NCAM2: variants seen among roughly 807,000 people sequenced by gnomAD.
The protein encoded by NCAM2 is N-CAM-2.
NCAM2 carries 30 observed loss-of-function variants against 98.1 expected under a neutral mutation model. The observed-to-expected ratio is 0.31, with a 90% CI of 0.23 to 0.41. NCAM2 has a LOEUF of 0.41. NCAM2 is among the 10% of genes least tolerant of loss of function. NCAM2 has a pLI of 1.00. For synonymous variants in NCAM2, 368 were observed against 342.4 expected (o/e 1.07, Z -0.83); for missense variants, 867 against 1,005.8 (o/e 0.86, Z 1.87).
At chr21:21,491,120 A>G (rs565918582) in intron 15 of NCAM2, among the ~76,000 whole-genome samples, 1 of 151,918 alleles carries the variant, frequency 6.6e-6, no homozygotes, top group South Asian at 2.1e-4. Context: ...AAGTTACTCA[A>G]TTTTTGGATA....
chr21:21,079,445 T>C (rs2146396751), intron 1 of NCAM2, among the ~76,000 whole-genome samples: 1 of 152,288 alleles, frequency 6.6e-6, no homozygotes, highest in African/African-American at 2.4e-5. Context: ...AAAATAAGAC[T>C]TCATGAAAAT....
At position 21,244,844 on chromosome 21, in the gene NCAM2, T is replaced by TAAAA. The variant is rs11410837; in HGVS notation, c.56-35717_56-35714dup. Among the ~76,000 whole-genome samples, 446 of 99,910 alleles carry TAAAA rather than the reference T, an allele frequency of 4.5e-3. 17 individuals are homozygous for TAAAA. The Admixed American group carries it at 0.046, about 10-fold the overall frequency. 65.5% of individuals were successfully genotyped at this position (99,910 alleles called of 152,430 possible). A position where few individuals can be genotyped will look rare whatever the true frequency, so the allele number is the denominator to read the frequency against. Reference sequence around the variant, plus strand: ...CCTGGGGACAGAGTGAGACTCTGTCTAAAAAAAAAAAAAAAAAAAAGGACA... The same window carrying TAAAA: ...CCTGGGGACAGAGTGAGACTCTGTCTAAAAAAAAAAAAAAAAAAAAAAAAGGACA... On this transcript the variant is annotated intron_variant, in intron 1 of 17. Coordinates refer to ENST00000400546, the MANE Select transcript of NCAM2 (RefSeq NM_004540.5).
chr21:21,323,392 G>A (rs1384300539), intron 5 of NCAM2, among the ~76,000 whole-genome samples: 2 of 152,098 alleles, frequency 1.3e-5, no homozygotes, highest in Non-Finnish European at 2.9e-5. Context: ...ACCATCAATG[G>A]AGGTAATGTG....
intron 1 of NCAM2, among the ~76,000 whole-genome samples, chr21:21,044,168 A>G (rs188008310): frequency 6.6e-6 from 1 of 152,330 alleles, no homozygotes; most frequent in East Asian, 1.9e-4. Flanking sequence ...TGTATTTCAT[A>G]GCTTTGAAGA....
rs181571353 is a variant in NCAM2 at position 21,146,410 on chromosome 21, C to T, written c.56-134168C>T. On this transcript the variant is annotated intron_variant, in intron 1 of 17. Transcript: ENST00000400546. ...TATGTTTAGGTCTTCTACAGTGATACTTAAATAATCTATAGGGACTGAAAT... is the reference window on the plus strand; with the variant it reads ...TATGTTTAGGTCTTCTACAGTGATATTTAAATAATCTATAGGGACTGAAAT... 1.3e-3 allele frequency among the ~76,000 whole-genome samples: 195 copies of T among 151,398 alleles called. 1 individual carries two copies. Among genetic ancestry groups the T allele is most frequent in the African/African-American group, 4.6e-3 (190 of 41,330 alleles).
At chr21:21,023,381 A>G (rs866135955) in intron 1 of NCAM2, among the ~76,000 whole-genome samples, 59 of 152,110 alleles carry the variant, frequency 3.9e-4, no homozygotes, top group Non-Finnish European at 7.2e-4. Flanking sequence ...AAAATTAGCC[A>G]GGCGTGGTGG....
intron 15 of NCAM2, among the ~76,000 whole-genome samples, chr21:21,480,366 C>CAAAAAAAAAAAAAAAAAAAAAA (rs59203448): frequency 8.6e-5 from 6 of 69,974 alleles, no homozygotes; most frequent in African/African-American, 3.0e-4. Flanking sequence ...GACTCCATCT[C>CAAAAAAAAAAAAAAAAAAAAAA]AAAAAAAAAA....
At chr21:21,184,459 C>A (rs1249573195) in intron 1 of NCAM2, among the ~76,000 whole-genome samples, 1 of 152,082 alleles carries the variant, frequency 6.6e-6, no homozygotes, top group Non-Finnish European at 1.5e-5. Context: ...CAGCTTCTTA[C>A]AGTCACCTTG....
At chr21:21,116,618 G>T (rs772876664) in intron 1 of NCAM2, among the ~76,000 whole-genome samples, 1 of 152,126 alleles carries the variant, frequency 6.6e-6, no homozygotes, top group Non-Finnish European at 1.5e-5. Flanking sequence ...ACTTTGGGAG[G>T]CCGAGGCAGG....
chr21:21,477,515 A>G, intron 15 of NCAM2, 44 bp downstream of exon 15: 1 of 1,396,746 alleles, frequency 7.2e-7, no homozygotes, highest in East Asian at 2.5e-5. Context: ...AATAAATATG[A>G]TACCACCTTT....
intron 1 of NCAM2, among the ~76,000 whole-genome samples, chr21:21,021,499 T>A (rs1289729391): frequency 6.6e-6 from 1 of 152,168 alleles, no homozygotes; most frequent in Non-Finnish European, 1.5e-5. Flanking sequence ...CATAGACATG[T>A]AAGAATGAAA....
In NCAM2 at chr21:21,017,413, A is replaced by C. The variant is rs190575396; in HGVS notation, c.55+18795A>C. On this transcript the variant is annotated intron_variant, in intron 1 of 17. Coordinates refer to ENST00000400546, the MANE Select transcript of NCAM2 (RefSeq NM_004540.5). ...TGCACTCCAGCCTGGCAACAGAGTG[A>C]GACTCTGTCTCAAAAAAAAAAAAAA... is the stretch of plus-strand genomic sequence containing the variant. 5.5e-4 allele frequency among the ~76,000 whole-genome samples: 57 copies of C among 104,264 alleles called. No individual in the cohort carries two copies. In the Admixed American group the frequency reaches 7.9e-3, roughly 14 times the overall value. The allele number at this position is 104,264 out of a possible 152,430, so 68.4% of individuals were successfully genotyped here.
intron 1 of NCAM2, among the ~76,000 whole-genome samples, chr21:21,021,469 A>C (rs2064434333): frequency 6.6e-6 from 1 of 152,220 alleles, no homozygotes; most frequent in African/African-American, 2.4e-5. Flanking sequence ...ACTTGTTTAG[A>C]GAGTGAGAAA....
chr21:21,521,421 G>A (rs1011870321), intron 16 of NCAM2, among the ~76,000 whole-genome samples: 3 of 152,172 alleles, frequency 2.0e-5, no homozygotes, highest in African/African-American at 7.2e-5. Context: ...AAAAAACACA[G>A]TTTGAAGAGA....
intron 1 of NCAM2, among the ~76,000 whole-genome samples, chr21:21,213,430 T>C (rs555767600): frequency 1.3e-5 from 2 of 152,338 alleles, no homozygotes; most frequent in Admixed American, 6.5e-5. Flanking sequence ...AGTTATTTAA[T>C]ATATGATGTA....
At chr21:21,043,005 A>G (rs2064936934) in intron 1 of NCAM2, among the ~76,000 whole-genome samples, 1 of 152,174 alleles carries the variant, frequency 6.6e-6, no homozygotes, top group African/African-American at 2.4e-5. Flanking sequence ...TCAAGCATTT[A>G]TGTTTTCTAA....
chr21:21,091,991 T>C (rs1445096819), intron 1 of NCAM2, among the ~76,000 whole-genome samples: 2 of 152,080 alleles, frequency 1.3e-5, no homozygotes, highest in African/African-American at 4.8e-5. Flanking sequence ...AAAGAGGGCC[T>C]GACAAAGTTG....
intron 1 of NCAM2, among the ~76,000 whole-genome samples, chr21:21,177,993 T>G: frequency 6.6e-6 from 1 of 152,286 alleles, no homozygotes. Flanking sequence ...AAACAGTTTA[T>G]ATATTTTTAT....
rs1283724691 is a variant in NCAM2 at position 21,013,719 on chromosome 21, T to G, written c.55+15101T>G. On this transcript the variant is annotated intron_variant, in intron 1 of 17. Transcript: ENST00000400546. ...TTGCTTGAAACCTGGAGGCGGAGGT[T>G]GCAGTGAGCTGGGATTGTGCCATTG... is the stretch of plus-strand genomic sequence containing the variant. 2.6e-5 allele frequency among the ~76,000 whole-genome samples: 4 copies of G among 151,600 alleles called. No individual in the cohort carries two copies. The East Asian group carries it at 7.7e-4, about 29-fold the overall frequency.
Sources: gnomAD v4.1 joint callset for allele counts (sites outside exome capture counted in the v4.1 genomes callset) on GRCh38, gnomAD v4.1.1 for gene constraint, MANE v1.5 for transcripts, NCBI Gene and HGNC (gene_info 2026-07-23, HGNC 2026-07-21) for gene names.